Variants in AGAP1 observed in about 807,000 individuals in gnomAD.
AGAP1 encodes the protein ArfGAP with GTPase domain, ankyrin repeat and PH domain 1.
In AGAP1, 29 loss-of-function variants were observed where a neutral mutation model predicts 105.3. That is an observed-to-expected ratio of 0.28 (90% confidence interval 0.21 to 0.38). AGAP1 has a LOEUF of 0.38. Among genes scored for constraint, AGAP1 ranks in the 10% least tolerant of loss-of-function variants. The pLI is 1.00. For synonymous variants in AGAP1, 509 were observed against 485.9 expected (o/e 1.05, Z -0.63); for missense variants, 998 against 1,165.1 (o/e 0.86, Z 2.09).
At chr2:235,670,299 G>T in intron 1 of AGAP1, 1 of 446,042 alleles carries the variant, frequency 2.2e-6, no homozygotes, top group Non-Finnish European at 3.9e-6. Flanking sequence ...GACGCGCCCG[G>T]GAGGCTTGAG....
intron 1 of AGAP1, among the ~76,000 whole-genome samples, chr2:235,587,954 G>T (rs1415055138): frequency 6.6e-6 from 1 of 152,084 alleles, no homozygotes; most frequent in African/African-American, 2.4e-5. Flanking sequence ...TTGTGGCCGG[G>T]TGTGGTGGCT....
intron 1 of AGAP1, among the ~76,000 whole-genome samples, chr2:235,702,635 C>T (rs1312637359): frequency 6.6e-6 from 1 of 152,196 alleles, no homozygotes; most frequent in African/African-American, 2.4e-5. Flanking sequence ...AGTCATATCA[C>T]ATGGATGACT....
intron 1 of AGAP1, among the ~76,000 whole-genome samples, chr2:235,496,377 A>G (rs922702078): frequency 3.9e-5 from 6 of 152,154 alleles, no homozygotes; most frequent in Admixed American, 6.5e-5. Context: ...CTGCCTCTGC[A>G]TGACTCGTGA....
At chr2:235,541,795 C>T (rs991843199) in intron 1 of AGAP1, among the ~76,000 whole-genome samples, 1 of 152,120 alleles carries the variant, frequency 6.6e-6, no homozygotes, top group Non-Finnish European at 1.5e-5. Flanking sequence ...TTACCTGTTT[C>T]TATAAACTTT....
chr2:235,831,202 A>C lies in AGAP1; in HGVS notation c.1050+23871A>C, dbSNP rs1319866972. On this transcript the variant is annotated intron_variant, in intron 9 of 17. Transcript: ENST00000304032. ...TCTTCTTTAAAAAAAAAAAAAAAAA[A>C]CAGTAAACGTTCTTTTTTAGAGCAG... 3.6e-4 allele frequency among the ~76,000 whole-genome samples: 52 copies of C among 144,366 alleles called. 1 individual carries two copies. The highest frequency in any genetic ancestry group is 3.1e-5 in the Non-Finnish European group (2 of 65,184). The allele number at this position is 144,366 out of a possible 152,430, so 94.7% of individuals were successfully genotyped here. A position where few individuals can be genotyped will look rare whatever the true frequency, so the allele number is the denominator to read the frequency against.
intron 1 of AGAP1, among the ~76,000 whole-genome samples, chr2:235,587,108 T>A (rs1945136634): frequency 6.6e-6 from 1 of 152,348 alleles, no homozygotes; most frequent in East Asian, 1.9e-4. Flanking sequence ...GCCATTTGTA[T>A]GGAGAAGGTA....
Position 235,514,157 on chromosome 2 carries a change from C to T in AGAP1, c.163+19308C>T, listed in dbSNP as rs557055810. Among the ~76,000 whole-genome samples the T allele has an allele frequency of 1.8e-3, 121 of 66,152 alleles. 1 individual carries two copies. The highest frequency in any genetic ancestry group is 6.7e-3 in the African/African-American group (113 of 16,854). The allele number at this position is 66,152 out of a possible 152,430, so 43.4% of individuals were successfully genotyped here. A position where few individuals can be genotyped will look rare whatever the true frequency, so the allele number is the denominator to read the frequency against. On this transcript the variant is annotated intron_variant, in intron 1 of 17. Coordinates refer to ENST00000304032, the MANE Select transcript of AGAP1 (RefSeq NM_001037131.3). ...GTGTGTGCCAGTGCATGCGCGTGCG[C>T]GCGCGCACACACACACACACACACA...
chr2:236,124,796 T>G lies in AGAP1; in HGVS notation c.*674T>G, dbSNP rs1259516253. On this transcript the variant is annotated 3_prime_UTR_variant, in exon 18 of 18. Coordinates refer to ENST00000304032, the MANE Select transcript of AGAP1 (RefSeq NM_001037131.3). The surrounding 1 kb of genome is among the most constrained non-coding windows in gnomAD (Gnocchi z 5.1). ...GAGGTAGTCACGCGGCACGCGCCGG[T>G]GATTGCCACGATGTGATTGCAATAC... 1.9e-5 allele frequency: 3 copies of G among 154,222 alleles called. No homozygotes were observed. The highest frequency in any genetic ancestry group is 7.2e-5 in the African/African-American group (3 of 41,464). 9.6% of individuals were successfully genotyped at this position (154,222 alleles called of 1,614,324 possible). A position where few individuals can be genotyped will look rare whatever the true frequency, so the allele number is the denominator to read the frequency against.
chr2:235,811,854 C>T (rs1203657629), intron 9 of AGAP1, among the ~76,000 whole-genome samples: 1 of 152,232 alleles, frequency 6.6e-6, no homozygotes. Flanking sequence ...TTGCCTACGA[C>T]TTTCAGAAGT....
Position 236,003,598 on chromosome 2 carries a change from C to G in AGAP1, c.1646-32963C>G, listed in dbSNP as rs1559181694. On this transcript the variant is annotated intron_variant, in intron 13 of 17. Coordinates refer to ENST00000304032, the MANE Select transcript of AGAP1 (RefSeq NM_001037131.3). The surrounding 1 kb of genome is among the most constrained non-coding windows in gnomAD (Gnocchi z 4.2). ...CATGGGGTACCCTTAAGTCCCACAT[C>G]CAAGCTCCCTCCACCCCACACTCTC... is the stretch of plus-strand genomic sequence containing the variant. Among the ~76,000 whole-genome samples the G allele has an allele frequency of 6.6e-6, 1 of 152,178 alleles. No individual in the cohort carries two copies. The highest frequency in any genetic ancestry group is 1.5e-5 in the Non-Finnish European group (1 of 68,030).
At chr2:235,782,998 G>A (rs906451876) in intron 6 of AGAP1, among the ~76,000 whole-genome samples, 10 of 150,752 alleles carry the variant, frequency 6.6e-5, no homozygotes, top group Non-Finnish European at 1.5e-4. Flanking sequence ...TAACCTTTTA[G>A]ACTACTTTGT....
In AGAP1 at chr2:235,689,042, A is replaced by G. The variant is rs1949609925; in HGVS notation, c.164-20137A>G. Among the ~76,000 whole-genome samples the G allele has an allele frequency of 7.0e-6, 1 of 142,408 alleles. No homozygotes were observed. Among genetic ancestry groups the G allele is most frequent in the Admixed American group, 7.3e-5 (1 of 13,614 alleles). 93.4% of individuals were successfully genotyped at this position (142,408 alleles called of 152,430 possible). A position where few individuals can be genotyped will look rare whatever the true frequency, so the allele number is the denominator to read the frequency against. Reference sequence around the variant, plus strand: ...CCTGTGCGGTAGATTATTGTCCCATAAATCTATAAGATTGATTGATTGGTT... The same window carrying G: ...CCTGTGCGGTAGATTATTGTCCCATGAATCTATAAGATTGATTGATTGGTT... On this transcript the variant is annotated intron_variant, in intron 1 of 17. Transcript: ENST00000304032. The surrounding 1 kb of genome is among the most constrained non-coding windows in gnomAD (Gnocchi z 4.2).
Position 236,009,096 on chromosome 2 carries a change from G to A in AGAP1, c.1646-27465G>A, listed in dbSNP as rs1406891232. Among the ~76,000 whole-genome samples the A allele has an allele frequency of 6.6e-6, 1 of 152,100 alleles. No individual in the cohort carries two copies. Among genetic ancestry groups the A allele is most frequent in the Non-Finnish European group, 1.5e-5 (1 of 68,038 alleles). ...CTCTGTGAGCTCTCCGCTAGGAAGCGGCCATCATGTCAAGCCCCTTCACAG... is the reference window on the plus strand; with the variant it reads ...CTCTGTGAGCTCTCCGCTAGGAAGCAGCCATCATGTCAAGCCCCTTCACAG... On this transcript the variant is annotated intron_variant, in intron 13 of 17. Coordinates refer to ENST00000304032, the MANE Select transcript of AGAP1 (RefSeq NM_001037131.3). This position sits in a 1 kb window ranked among gnomAD's most constrained non-coding sequence, Gnocchi z 4.2.
intron 1 of AGAP1, among the ~76,000 whole-genome samples, chr2:235,702,352 C>G (rs1950295939): frequency 6.6e-6 from 1 of 152,208 alleles, no homozygotes; most frequent in Non-Finnish European, 1.5e-5. Flanking sequence ...GAGCCTTTAG[C>G]AGAAGGCTCT....
At chr2:235,770,133 C>CTTTTTT (rs57008190) in intron 6 of AGAP1, among the ~76,000 whole-genome samples, 2,419 of 136,590 alleles carry the variant, frequency 0.018, 101 homozygotes, top group African/African-American at 0.061. Flanking sequence ...TTCTTTGTTT[C>CTTTTTT]TTTTTTTTTT....
Position 236,014,862 on chromosome 2 carries a change from G to T in AGAP1, c.1646-21699G>T. ...GGTAGCCTGCGAAATATATACAGCA[G>T]CAGCACCAACACTGAAGGTAACGCC... On this transcript the variant is annotated intron_variant, in intron 13 of 17. Coordinates refer to ENST00000304032, the MANE Select transcript of AGAP1 (RefSeq NM_001037131.3). The surrounding 1 kb of genome is among the most constrained non-coding windows in gnomAD (Gnocchi z 6.3). 2.2e-6 allele frequency: 1 copy of T among 451,724 alleles called. No homozygotes were observed. Among genetic ancestry groups the T allele is most frequent in the South Asian group, 1.6e-5 (1 of 61,742 alleles). The allele number at this position is 451,724 out of a possible 1,614,324, so 28.0% of individuals were successfully genotyped here.
intron 1 of AGAP1, among the ~76,000 whole-genome samples, chr2:235,528,052 A>G (rs1028876999): frequency 1.3e-5 from 2 of 152,230 alleles, no homozygotes; most frequent in Non-Finnish European, 2.9e-5. Context: ...GGATATTTTC[A>G]TGATAACCTC....
At position 235,631,226 on chromosome 2, in the gene AGAP1, G is replaced by A. The variant is rs1177353708; in HGVS notation, c.164-77953G>A. The stretch of plus-strand genomic sequence containing the variant: ...CTTCCAGTGGGTAAATGGCAAACTC[G>A]ATAACTGGAATGCTGTCAGATCCCA... On this transcript the variant is annotated intron_variant, in intron 1 of 17. Coordinates refer to ENST00000304032, the MANE Select transcript of AGAP1 (RefSeq NM_001037131.3). The surrounding 1 kb of genome is among the most constrained non-coding windows in gnomAD (Gnocchi z 5.4). Among the ~76,000 whole-genome samples, 1 of 152,156 alleles carries A rather than the reference G, an allele frequency of 6.6e-6. No homozygotes were observed. The highest frequency in any genetic ancestry group is 1.5e-5 in the Non-Finnish European group (1 of 68,028).
At chr2:235,847,681 G>A (rs922063435) in intron 9 of AGAP1, among the ~76,000 whole-genome samples, 7 of 152,306 alleles carry the variant, frequency 4.6e-5, no homozygotes, top group East Asian at 1.9e-4. Flanking sequence ...TTTCAGTACC[G>A]TCTGTAGATC....
Sources: gnomAD v4.1 joint callset for allele counts (sites outside exome capture counted in the v4.1 genomes callset) on GRCh38, gnomAD v4.1.1 for gene constraint, Gnocchi (gnomAD v3.1) non-coding constraint, MANE v1.5 for transcripts, NCBI Gene and HGNC (gene_info 2026-07-23, HGNC 2026-07-21) for gene names.